The following IARS2 variants were observed in gnomAD, a reference collection of about 807,000 sequenced individuals.
IARS2 encodes isoleucine--tRNA ligase, mitochondrial.
In IARS2, 56 loss-of-function variants were observed where a neutral mutation model predicts 126.3. The ratio of observed to expected loss-of-function variants is 0.44; its 90% CI spans 0.36 to 0.55. IARS2 has a LOEUF of 0.55. Ranked by LOEUF, IARS2 falls within the 20% of genes least tolerant of loss-of-function variation. IARS2 has a pLI of 0.00. For missense variants in IARS2, 1,127 were observed against 1,245.9 expected (o/e 0.90, Z 1.44); for synonymous variants, 407 against 441.1 (o/e 0.92, Z 0.97).
chr1:220,126,031 C>T (rs186967728), intron 13 of IARS2, among the ~76,000 whole-genome samples: 390 of 149,726 alleles, frequency 2.6e-3, no homozygotes, highest in African/African-American at 9.0e-3. Context: ...GGCCTGAACC[C>T]GGGAGGCGGA....
rs1036956023 is a variant in IARS2 at position 220,094,205 on chromosome 1, G to A, written c.-12G>A. 2.6e-5 allele frequency: 40 copies of A among 1,552,478 alleles called. No individual in the cohort carries two copies. Among genetic ancestry groups the A allele is most frequent in the Non-Finnish European group, 3.5e-5 (40 of 1,152,672 alleles). On this transcript the variant is annotated 5_prime_UTR_variant, in exon 1 of 23. Transcript: ENST00000366922. ...GGGAGCGGAGGACCCCGCTCTCAGGGGTTGCCGGACCATGCGTTGGGGGCT... is the reference window on the plus strand; with the variant it reads ...GGGAGCGGAGGACCCCGCTCTCAGGAGTTGCCGGACCATGCGTTGGGGGCT...
chr1:220,124,972 ATT>A (rs2102831647), intron 12 of IARS2, among the ~76,000 whole-genome samples: 1 of 152,340 alleles, frequency 6.6e-6, no homozygotes, highest in African/African-American at 2.4e-5. Context: ...AGGGAAGATA[ATT>A]AGAAGGCTTT....
At chr1:220,111,414 A>G (rs1656796758) in intron 11 of IARS2, among the ~76,000 whole-genome samples, 1 of 152,316 alleles carries the variant, frequency 6.6e-6, no homozygotes, top group East Asian at 1.9e-4. Flanking sequence ...CAATTAAAAA[A>G]GTTACTGTTC....
chr1:220,103,834 T>G (rs1408922577), intron 8 of IARS2, among the ~76,000 whole-genome samples: 1 of 152,258 alleles, frequency 6.6e-6, no homozygotes, highest in Non-Finnish European at 1.5e-5. Context: ...AATTAATTTT[T>G]AAAATTGTTT....
At chr1:220,108,449 C>T (rs559640566) in intron 10 of IARS2, among the ~76,000 whole-genome samples, 31 of 150,586 alleles carry the variant, frequency 2.1e-4, no homozygotes, top group Admixed American at 1.1e-3. Context: ...TACAGTGGCA[C>T]GATCTTGGCT....
At chr1:220,104,099 A>G (rs754454511) in intron 8 of IARS2, among the ~76,000 whole-genome samples, 4 of 152,190 alleles carry the variant, frequency 2.6e-5, no homozygotes, top group African/African-American at 7.2e-5. Context: ...CTGGCCACCC[A>G]AGTAGCTGGG....
chr1:220,106,934 T>C (rs1656693710), intron 9 of IARS2, 127 bp from the exon 10 acceptor site: 2 of 701,042 alleles, frequency 2.9e-6, no homozygotes, highest in Admixed American at 2.2e-5. Context: ...CCCGGCCAAG[T>C]ACCTAGAATT....
In IARS2 at chr1:220,125,261, A is replaced by T. The variant is rs368606136; in HGVS notation, c.1665A>T (p.Lys555Asn). 1.3e-5 allele frequency: 21 copies of T among 1,613,150 alleles called. No individual in the cohort carries two copies. The African/African-American group carries it at 2.7e-4, about 20-fold the overall frequency. The change falls in exon 13 of 23, where the codon AAA becomes AAT. Residue 555 changes from lysine (K) to asparagine (N), a missense_variant. Coordinates refer to ENST00000366922, the MANE Select transcript of IARS2 (RefSeq NM_018060.4). ...GCCAAACCACTGAGCATATTGTTAAACTAGTGGAACAACACGGCAGTGATA... is the reference window on the plus strand; with the variant it reads ...GCCAAACCACTGAGCATATTGTTAATCTAGTGGAACAACACGGCAGTGATA... ...INSQTTEHIV[K>N]LVEQHGSDIW...
chr1:220,111,598 A>ATG (rs34903707), intron 11 of IARS2, among the ~76,000 whole-genome samples: 13,174 of 134,604 alleles, frequency 0.098, 826 homozygotes, highest in South Asian at 0.26. Context: ...ATATATATAT[A>ATG]TGTGTGTGTG....
intron 21 of IARS2, chr1:220,143,417 C>G (rs1376312323): frequency 8.8e-6 from 2 of 228,326 alleles, no homozygotes; most frequent in Admixed American, 5.1e-5. Context: ...ATCACTGATT[C>G]TTTTGTTTCC....
intron 12 of IARS2, among the ~76,000 whole-genome samples, chr1:220,117,019 T>A (rs1193800920): frequency 6.6e-6 from 1 of 151,948 alleles, no homozygotes; most frequent in East Asian, 1.9e-4. Context: ...GTGCTGAGAT[T>A]ACAGGCATGA....
At chr1:220,140,641 C>T (rs1252547792) in intron 19 of IARS2, among the ~76,000 whole-genome samples, 6 of 151,046 alleles carry the variant, frequency 4.0e-5, no homozygotes, top group South Asian at 2.1e-4. Context: ...GTTTGGCAAC[C>T]GTCAGGGATA....
intron 21 of IARS2, 118 bp from the exon 22 acceptor site, chr1:220,145,391 G>T (rs889992896): frequency 3.8e-6 from 3 of 786,906 alleles, no homozygotes; most frequent in African/African-American, 3.5e-5. Context: ...TGCTCAGGAT[G>T]CAATGGTATA....
At chr1:220,136,690 C>T (rs1657382701) in intron 15 of IARS2, 119 bp from the exon 16 acceptor site, 2 of 424,484 alleles carry the variant, frequency 4.7e-6, no homozygotes, top group Non-Finnish European at 8.5e-6. Context: ...TATTCATAAT[C>T]AGTCAAGAAA....
At chr1:220,136,331 C>T (rs1657374696) in intron 15 of IARS2, among the ~76,000 whole-genome samples, 1 of 152,176 alleles carries the variant, frequency 6.6e-6, no homozygotes, top group Admixed American at 6.5e-5. Context: ...AGGGTTTCAC[C>T]ATGTTGGCCA....
chr1:220,102,536 A>C lies in IARS2; in HGVS notation c.791A>C (p.His264Pro). The change falls in exon 6 of 23, where the codon CAT (histidine) becomes CCT (proline). Residue 264 changes from histidine (H) to proline (P), a missense_variant. His to Pro is a moderately conservative substitution (Grantham distance 77). Coordinates refer to ENST00000366922, the MANE Select transcript of IARS2 (RefSeq NM_018060.4). The stretch of plus-strand genomic sequence containing the variant: ...GCAGAACTTGAATATAATCCTGAGC[A>C]TGTCAGTCGTTCAATATATGTAAAA... ...AEAELEYNPE[H>P]VSRSIYVKFP... is the part of the protein sequence containing the mutation. The C allele has an allele frequency of 6.2e-7, 1 of 1,614,048 alleles. No individual in the cohort carries two copies. Among genetic ancestry groups the C allele is most frequent in the Non-Finnish European group, 8.5e-7 (1 of 1,179,962 alleles).
At chr1:220,146,745 T>C (rs901620737) in intron 22 of IARS2, among the ~76,000 whole-genome samples, 3 of 152,174 alleles carry the variant, frequency 2.0e-5, no homozygotes, top group African/African-American at 4.8e-5. Context: ...AATCTTGGTT[T>C]ACCGCAACCT....
At chr1:220,135,065 G>A (rs1407394098) in intron 15 of IARS2, among the ~76,000 whole-genome samples, 1 of 152,148 alleles carries the variant, frequency 6.6e-6, no homozygotes, top group Admixed American at 6.5e-5. Context: ...ACCATGCCTG[G>A]CCTAGAACTA....
At chr1:220,096,919 G>T (rs1656455665) in intron 2 of IARS2, among the ~76,000 whole-genome samples, 1 of 152,008 alleles carries the variant, frequency 6.6e-6, no homozygotes, top group Non-Finnish European at 1.5e-5. Flanking sequence ...GGTGGCGGGA[G>T]CCTATAGTCC....
Sources: allele counts gnomAD v4.1 joint callset (sites outside exome capture counted in the v4.1 genomes callset), GRCh38; gene constraint gnomAD v4.1.1; transcripts MANE v1.5; gene names NCBI Gene and HGNC (gene_info 2026-07-23, HGNC 2026-07-21).